TECPR1: variants seen among roughly 807,000 people sequenced by gnomAD.
TECPR1 encodes tectonin beta-propeller repeat containing 1, also known as tectonin beta-propeller repeat-containing protein 1.
In TECPR1, 122 loss-of-function variants were observed where a neutral mutation model predicts 162.4. The observed-to-expected ratio is 0.75, with a 90% confidence interval of 0.65 to 0.87. The LOEUF (loss-of-function observed/expected upper bound fraction) is 0.87, where lower values mean the gene tolerates loss of function less well. Ranked by LOEUF, TECPR1 falls within the 40% of genes least tolerant of loss-of-function variation. TECPR1 has a pLI of 0.00. For missense variants in TECPR1, 1,432 were observed against 1,618.2 expected, an observed-to-expected ratio of 0.88 and a Z score of 1.97; for synonymous variants, 642 against 670.6, an observed-to-expected ratio of 0.96 and a Z score of 0.66.
At position 98,232,920 on chromosome 7, in the gene TECPR1, G is replaced by A. The variant is rs764522984; in HGVS notation, c.1725C>T (p.Thr575=). The part of the protein sequence containing the change: ...MLSLSITPAQ[T]AAWRKQIFQQ... ...GGAAGATCTGCTTCCTCCAGGCAGC[G>A]GTCTGGGCCGGCGTGATGGACAGGG... Residue 575 remains threonine (T), a synonymous_variant, in exon 12 of 26, where the codon ACC becomes ACT. Coordinates refer to ENST00000447648, the MANE Select transcript of TECPR1 (RefSeq NM_015395.3). The surrounding 1 kb of genome is among the most constrained non-coding windows in gnomAD (Gnocchi z 4.6). The A allele has an allele frequency of 3.0e-5, 48 of 1,612,692 alleles. No individual in the cohort carries two copies. The highest frequency in any genetic ancestry group is 9.3e-5 in the African/African-American group (7 of 74,942).
intron 10 of TECPR1, among the ~76,000 whole-genome samples, chr7:98,235,933 C>T (rs1798590812): frequency 1.3e-5 from 2 of 151,882 alleles, no homozygotes; most frequent in African/African-American, 2.4e-5. Context: ...TCTGGGCTGA[C>T]AGCACGGCAG....
In TECPR1 at chr7:98,251,529, T is replaced by G. The variant is rs1799063031; in HGVS notation, c.-155A>C. 1 of 152,356 alleles carries G rather than the reference T, an allele frequency of 6.6e-6. No homozygotes were observed. Among genetic ancestry groups the G allele is most frequent in the East Asian group, 1.9e-4 (1 of 5,166 alleles). 9.4% of individuals were successfully genotyped at this position (152,356 alleles called of 1,614,324 possible). A position where few individuals can be genotyped will look rare whatever the true frequency, so the allele number is the denominator to read the frequency against. ...GCTGGCTGCCAGGTGCAGGGGCTGT[T>G]CAAAAGCGACATCAGGGTCCTAAAA... is the stretch of plus-strand genomic sequence containing the variant. On this transcript the variant is annotated 5_prime_UTR_variant, in exon 2 of 26. Coordinates refer to ENST00000447648, the MANE Select transcript of TECPR1 (RefSeq NM_015395.3).
Position 98,224,868 on chromosome 7 carries a change from A to T in TECPR1, c.2623T>A (p.Phe875Ile). 6.4e-7 allele frequency: 1 copy of T among 1,563,998 alleles called. No individual in the cohort carries two copies. Among genetic ancestry groups the T allele is most frequent in the Non-Finnish European group, 8.7e-7 (1 of 1,154,636 alleles). Residue 875 changes from phenylalanine (F) to isoleucine (I), a missense_variant, in exon 19 of 26, where the codon TTC becomes ATC. By Grantham distance (21) the Phe-to-Ile change is conservative. Transcript: ENST00000447648. ...CCCCCCGGAACGCTGAAATCCACGA[A>T]CCAGTCGGAAACCTGGGAGGAGTGG... is the stretch of plus-strand genomic sequence containing the variant. ...SLQWAWVSDW[F>I]VDFSVPGGTD... is the part of the protein sequence containing the mutation.
chr7:98,232,812 C>G lies in TECPR1; in HGVS notation c.1818+15G>C. On this transcript the variant is annotated intron_variant, in intron 12 of 25. Transcript: ENST00000447648. The surrounding 1 kb of genome is among the most constrained non-coding windows in gnomAD (Gnocchi z 4.6). ...AAAAAAAAAAAAATGCATGCGCAGCCACCGGGGCACCCACCTGCTCCACGG... is the reference window on the plus strand; with the variant it reads ...AAAAAAAAAAAAATGCATGCGCAGCGACCGGGGCACCCACCTGCTCCACGG... 6.4e-7 allele frequency: 1 copy of G among 1,557,144 alleles called. No homozygotes were observed. Among genetic ancestry groups the G allele is most frequent in the Non-Finnish European group, 8.7e-7 (1 of 1,155,414 alleles).
chr7:98,244,658 G>T lies in TECPR1; in HGVS notation c.444C>A (p.Tyr148Ter). The change falls in exon 5 of 26, where the codon TAC becomes TAA. Residue 148 changes from tyrosine (Y) to a stop codon, truncating the protein, a stop_gained. Transcript: ENST00000447648. LOFTEE classifies it high-confidence loss of function. ...WTYAIDFPAT[Y>*]TKDKKWNSCV... Reference sequence around the variant, plus strand: ...AAGAATTCCACTTCTTGTCTTTCGTGTAGGTGGCGGGAAAGTCGATGGCGT... The same window carrying T: ...AAGAATTCCACTTCTTGTCTTTCGTTTAGGTGGCGGGAAAGTCGATGGCGT... 1 of 1,612,858 alleles carries T rather than the reference G, an allele frequency of 6.2e-7. No homozygotes were observed. Among genetic ancestry groups the T allele is most frequent in the South Asian group, 1.1e-5 (1 of 91,032 alleles).
At chr7:98,231,162 G>A in intron 14 of TECPR1, 44 bp from the exon 15 acceptor site, 1 of 1,606,906 alleles carries the variant, frequency 6.2e-7, no homozygotes, top group South Asian at 1.1e-5. Context: ...GGCCAGGCCA[G>A]GCCAGGCCAC....
In TECPR1 at chr7:98,232,003, G is replaced by A. The variant is rs367740678; in HGVS notation, c.1819-44C>T. 5.8e-6 allele frequency: 9 copies of A among 1,556,840 alleles called. No homozygotes were observed. Among genetic ancestry groups the A allele is most frequent in the Non-Finnish European group, 6.9e-6 (8 of 1,153,844 alleles). On this transcript the variant is annotated intron_variant, in intron 12 of 25. Transcript: ENST00000447648. This position sits in a 1 kb window ranked among gnomAD's most constrained non-coding sequence, Gnocchi z 4.6. ...TGGACACCATCACAGGCAGGCCCGG[G>A]GTGCCAGGGGAGGAGGGCGGGGCTG...
intron 23 of TECPR1, among the ~76,000 whole-genome samples, chr7:98,220,426 G>A (rs1228897028): frequency 1.3e-5 from 2 of 151,950 alleles, no homozygotes; most frequent in Admixed American, 6.6e-5. Context: ...ACAGAGTCTT[G>A]CTCTGTCACC....
chr7:98,231,739 C>T (rs1007748433), intron 13 of TECPR1, 65 bp downstream of exon 13: 3 of 1,567,904 alleles, frequency 1.9e-6, no homozygotes, highest in South Asian at 2.3e-5. Flanking sequence ...TTTCTGTACC[C>T]CTCCTCTAGC....
rs1180570376 is a variant in TECPR1, at chr7:98,214,834, G to C, written c.*2556C>G. 1 of 152,400 alleles carries C rather than the reference G, an allele frequency of 6.6e-6. No homozygotes were observed. The highest frequency in any genetic ancestry group is 1.9e-4 in the East Asian group (1 of 5,198). The allele number at this position is 152,400 out of a possible 1,614,324, so 9.4% of individuals were successfully genotyped here. A position where few individuals can be genotyped will look rare whatever the true frequency, so the allele number is the denominator to read the frequency against. On this transcript the variant is annotated 3_prime_UTR_variant, in exon 26 of 26. Coordinates refer to ENST00000447648, the MANE Select transcript of TECPR1 (RefSeq NM_015395.3). ...GGCTCTTTCTTTCTGCCCTGAACTGGCACCTGCACCTCCTCTGCTTCCTAG... is the reference window on the plus strand; with the variant it reads ...GGCTCTTTCTTTCTGCCCTGAACTGCCACCTGCACCTCCTCTGCTTCCTAG...
In TECPR1 at chr7:98,244,568, G is replaced by T; in HGVS notation, c.531+3C>A. ...CCCCCAACCCACATTCAGGAACAGA[G>T]ACCTTGGCCCAGATGTCCCGGGACT... On this transcript the variant is annotated splice_donor_region_variant and intron_variant, in intron 5 of 25. Coordinates refer to ENST00000447648, the MANE Select transcript of TECPR1 (RefSeq NM_015395.3). 1 of 1,604,000 alleles carries T rather than the reference G, an allele frequency of 6.2e-7. No individual in the cohort carries two copies. Among genetic ancestry groups the T allele is most frequent in the Non-Finnish European group, 8.5e-7 (1 of 1,173,592 alleles).
intron 22 of TECPR1, 125 bp from the exon 23 acceptor site, chr7:98,221,878 A>T: frequency 1.4e-6 from 1 of 714,956 alleles, no homozygotes. Flanking sequence ...TGTGCCACAC[A>T]GAGCTGACAC....
At chr7:98,228,943 T>C (rs1798348499) in intron 16 of TECPR1, 96 bp downstream of exon 16, 1 of 1,472,618 alleles carries the variant, frequency 6.8e-7, no homozygotes, top group South Asian at 1.3e-5. Flanking sequence ...GTGTGAACAC[T>C]GGGACAATGG....
Position 98,233,656 on chromosome 7 carries a change from G to A in TECPR1, c.1437C>T (p.Ala479=). 1.3e-6 allele frequency: 2 copies of A among 1,595,312 alleles called. No homozygotes were observed. The highest frequency in any genetic ancestry group is 2.2e-5 in the South Asian group (2 of 89,362). Residue 479 remains alanine (A), a synonymous_variant, in exon 11 of 26, where the codon GCC becomes GCT. Transcript: ENST00000447648. ...EARPNTHPGP[A]PTPAELPWTN... ...TCCAGGGCAGCTCGGCCGGGGTGGGGGCCGGGCCGGGGTGCGTGTTGGGTC... is the reference window on the plus strand; with the variant it reads ...TCCAGGGCAGCTCGGCCGGGGTGGGAGCCGGGCCGGGGTGCGTGTTGGGTC...
intron 1 of TECPR1, 23 bp downstream of exon 1, chr7:98,252,103 C>T (rs1005790871): frequency 6.6e-6 from 1 of 152,424 alleles, no homozygotes; most frequent in Non-Finnish European, 1.5e-5. Context: ...GCCGCTGCAG[C>T]TGGGGCGCCA....
chr7:98,249,511 G>A (rs573888356), intron 2 of TECPR1, among the ~76,000 whole-genome samples: 2 of 152,266 alleles, frequency 1.3e-5, no homozygotes, highest in African/African-American at 2.4e-5. Context: ...CACTGATCAG[G>A]ACTGAGGGTC....
chr7:98,225,417 C>T (rs2116548841), intron 17 of TECPR1, among the ~76,000 whole-genome samples: 1 of 152,244 alleles, frequency 6.6e-6, no homozygotes, highest in Non-Finnish European at 1.5e-5. Flanking sequence ...TGCCTGTAGT[C>T]CCAGCTACTC....
intron 9 of TECPR1, among the ~76,000 whole-genome samples, 184 bp downstream of exon 9, chr7:98,238,325 G>C (rs149317487): frequency 3.9e-5 from 6 of 152,050 alleles, no homozygotes; most frequent in African/African-American, 1.4e-4. Context: ...CTGTGCCACC[G>C]GGGGGGTGGG....
rs916340903 is a variant in TECPR1 at position 98,240,985 on chromosome 7, C to G, written c.833-34G>C. 5.0e-6 allele frequency: 8 copies of G among 1,590,424 alleles called. No individual in the cohort carries two copies. In the African/African-American group the frequency reaches 1.1e-4, roughly 21 times the overall value. On this transcript the variant is annotated intron_variant, in intron 7 of 25. Coordinates refer to ENST00000447648, the MANE Select transcript of TECPR1 (RefSeq NM_015395.3). The stretch of plus-strand genomic sequence containing the variant: ...CCCCCAAGAAACCCCCAGTGGCCCC[C>G]ATCAGCCTGGACAGCTGGGGAGCGA...
Sources: gnomAD v4.1 joint callset for allele counts (sites outside exome capture counted in the v4.1 genomes callset) on GRCh38, gnomAD v4.1.1 for gene constraint, Gnocchi (gnomAD v3.1) non-coding constraint, MANE v1.5 for transcripts, NCBI Gene and HGNC (gene_info 2026-07-23, HGNC 2026-07-21) for gene names.